The following ATP8A2 variants were observed in gnomAD, a reference collection of about 807,000 sequenced individuals.
ATP8A2 encodes phospholipid-transporting ATPase IB.
A neutral mutation model predicts 165.6 loss-of-function variants in ATP8A2; 100 were observed. That is an observed-to-expected ratio of 0.60 (90% CI 0.51 to 0.71). ATP8A2 has a LOEUF of 0.71. Ranked by LOEUF, ATP8A2 falls within the 30% of genes least tolerant of loss-of-function variation. ATP8A2 has a pLI of 0.00. For missense variants in ATP8A2, 1,227 were observed against 1,479.5 expected (o/e 0.83, Z 2.80); for synonymous variants, 543 against 548.8 (o/e 0.99, Z 0.15).
At chr13:25,597,548 C>T (rs2040268570) in intron 24 of ATP8A2, among the ~76,000 whole-genome samples, 1 of 152,190 alleles carries the variant, frequency 6.6e-6, no homozygotes. Flanking sequence ...GCCAAGCCTA[C>T]AGCCAGCAAG....
intron 1 of ATP8A2, among the ~76,000 whole-genome samples, chr13:25,392,255 A>G (rs2033275380): frequency 6.6e-6 from 1 of 152,240 alleles, no homozygotes; most frequent in South Asian, 2.1e-4. Context: ...TAAGCTGTTG[A>G]AACTTTAAAT....
intron 1 of ATP8A2, among the ~76,000 whole-genome samples, chr13:25,462,507 G>A (rs1009406086): frequency 2.0e-5 from 3 of 152,094 alleles, no homozygotes; most frequent in African/African-American, 7.2e-5. Context: ...GCTTCAAGAT[G>A]TGTCACTTCC....
At chr13:25,439,365 C>T (rs560785747) in intron 1 of ATP8A2, among the ~76,000 whole-genome samples, 46 of 152,264 alleles carry the variant, frequency 3.0e-4, no homozygotes, top group African/African-American at 1.1e-3. Context: ...CTCACCCTCC[C>T]GTAGATCTCC....
intron 24 of ATP8A2, among the ~76,000 whole-genome samples, chr13:25,669,338 G>A (rs938066231): frequency 2.0e-5 from 3 of 152,174 alleles, no homozygotes; most frequent in Admixed American, 2.0e-4. Context: ...TGGTCAGCCA[G>A]TTATGTGACA....
rs1280377215 is a variant in ATP8A2, at chr13:25,689,159, T to C, written c.2212-10014T>C. Among the ~76,000 whole-genome samples, 3 of 152,378 alleles carry C rather than the reference T, an allele frequency of 2.0e-5. No homozygotes were observed. The East Asian group carries it at 5.8e-4, about 29-fold the overall frequency. On this transcript the variant is annotated intron_variant, in intron 24 of 36. Transcript: ENST00000381655. ...TTAAATAATTAAGTTGAGATTACCATGTTCATTTTCTTATACAGCATCTGT... is the reference window on the plus strand; with the variant it reads ...TTAAATAATTAAGTTGAGATTACCACGTTCATTTTCTTATACAGCATCTGT...
At chr13:25,623,919 G>A (rs1211830841) in intron 24 of ATP8A2, among the ~76,000 whole-genome samples, 1 of 152,062 alleles carries the variant, frequency 6.6e-6, no homozygotes, top group Non-Finnish European at 1.5e-5. Context: ...GTATGTGTGT[G>A]CATATATATA....
intron 24 of ATP8A2, among the ~76,000 whole-genome samples, chr13:25,681,928 T>G (rs978073042): frequency 6.6e-6 from 1 of 152,180 alleles, no homozygotes; most frequent in South Asian, 2.1e-4. Context: ...TGGTTTGCCC[T>G]GTAACTGACA....
At chr13:25,710,231 G>A (rs59283601) in intron 25 of ATP8A2, among the ~76,000 whole-genome samples, 13,137 of 152,152 alleles carry the variant, frequency 0.086, 593 homozygotes, top group Non-Finnish European at 0.11. Flanking sequence ...TAATTGGGGT[G>A]TTATCACCTC....
At chr13:25,881,533 C>T (rs1439163406) in intron 33 of ATP8A2, among the ~76,000 whole-genome samples, 5 of 150,700 alleles carry the variant, frequency 3.3e-5, no homozygotes, top group African/African-American at 7.4e-5. Flanking sequence ...TTTTAATGTT[C>T]GTTATGTATA....
chr13:25,623,988 T>G (rs2041041511), intron 24 of ATP8A2, among the ~76,000 whole-genome samples: 1 of 151,916 alleles, frequency 6.6e-6, no homozygotes, highest in East Asian at 1.9e-4. Flanking sequence ...GAGAATGGAG[T>G]GCCATCCTTC....
At chr13:25,745,612 G>C (rs933398489) in intron 25 of ATP8A2, among the ~76,000 whole-genome samples, 3 of 152,124 alleles carry the variant, frequency 2.0e-5, no homozygotes, top group Non-Finnish European at 4.4e-5. Flanking sequence ...GAATTTTCCT[G>C]ATGCCTGGGG....
At chr13:25,850,256 C>T (rs998968372) in intron 30 of ATP8A2, among the ~76,000 whole-genome samples, 5 of 152,192 alleles carry the variant, frequency 3.3e-5, no homozygotes, top group African/African-American at 1.2e-4. Flanking sequence ...AAGAGCTTGG[C>T]TCTTGGAGAA....
chr13:25,584,493 G>T (rs1399648484), intron 23 of ATP8A2, among the ~76,000 whole-genome samples: 1 of 152,140 alleles, frequency 6.6e-6, no homozygotes, highest in African/African-American at 2.4e-5. Flanking sequence ...TCTCCTTCTA[G>T]ATGAAAAAAG....
chr13:25,996,103 TTTTGATTAATG>T (rs1430185777), intron 35 of ATP8A2, among the ~76,000 whole-genome samples: 3 of 152,214 alleles, frequency 2.0e-5, no homozygotes, highest in African/African-American at 7.2e-5. Context: ...TTAGGTTTTA[TTTTGATTAATG>T]TTTGCATGAT....
chr13:25,530,772 T>A (rs2038005704), intron 4 of ATP8A2, 112 bp downstream of exon 4: 1 of 666,064 alleles, frequency 1.5e-6, no homozygotes, highest in South Asian at 1.8e-5. Flanking sequence ...TTAACCAGCC[T>A]CTTTAGACAC....
At chr13:25,940,167 TCC>T (rs139074469) in intron 33 of ATP8A2, among the ~76,000 whole-genome samples, 4,716 of 152,112 alleles carry the variant, frequency 0.031, 107 homozygotes, top group East Asian at 0.059. Flanking sequence ...GGGGCTGGAC[TCC>T]TCTGCTCTTC....
chr13:25,983,674 G>A (rs773305303), intron 35 of ATP8A2, among the ~76,000 whole-genome samples: 3 of 152,102 alleles, frequency 2.0e-5, no homozygotes, highest in Non-Finnish European at 4.4e-5. Flanking sequence ...TGAACTTAAA[G>A]GTGTAAATAT....
At chr13:25,623,644 C>T (rs1022363751) in intron 24 of ATP8A2, among the ~76,000 whole-genome samples, 2 of 152,152 alleles carry the variant, frequency 1.3e-5, no homozygotes, top group African/African-American at 4.8e-5. Flanking sequence ...ACCAATATCT[C>T]TGCCTTTGCT....
intron 24 of ATP8A2, among the ~76,000 whole-genome samples, chr13:25,666,310 A>G (rs2042152990): frequency 6.6e-6 from 1 of 152,098 alleles, no homozygotes; most frequent in South Asian, 2.1e-4. Context: ...TCCCAGTTCA[A>G]GTGATTCTTC....
Sources: gnomAD v4.1 joint callset for allele counts (sites outside exome capture counted in the v4.1 genomes callset) on GRCh38, gnomAD v4.1.1 for gene constraint, MANE v1.5 for transcripts, NCBI Gene and HGNC (gene_info 2026-07-23, HGNC 2026-07-21) for gene names.